The following NUDT7 variants were observed in gnomAD, a reference collection of about 807,000 sequenced individuals.
NUDT7 encodes peroxisomal coenzyme A diphosphatase NUDT7.
NUDT7 carries 19 observed loss-of-function variants against 13.1 expected under a neutral mutation model. The ratio of observed to expected loss-of-function variants is 1.45; its 90% confidence interval spans 1.01 to 2.13. NUDT7 has a LOEUF of 2.13. NUDT7 is among the 30% of genes most tolerant of loss of function. NUDT7 has a pLI of 0.00. For synonymous variants in NUDT7, 132 were observed against 109.7 expected, an observed-to-expected ratio of 1.20 and a Z score of -1.27; for missense variants, 360 against 291.7, an observed-to-expected ratio of 1.23 and a Z score of -1.71.
At chr16:77,723,419 C>G (rs2014027141) in intron 1 of NUDT7, among the ~76,000 whole-genome samples, 1 of 152,028 alleles carries the variant, frequency 6.6e-6, no homozygotes, top group Admixed American at 6.6e-5. Flanking sequence ...TAGCAAATAC[C>G]TCCTGCAAAC....
At chr16:77,740,571 CCTCT>C (rs1213173703) in intron 3 of NUDT7, among the ~76,000 whole-genome samples, 1 of 151,974 alleles carries the variant, frequency 6.6e-6, no homozygotes, top group Admixed American at 6.6e-5. Context: ...TGAGACTGGG[CCTCT>C]CTCTGTCACC....
chr16:77,729,471 C>T (rs1055677093), intron 2 of NUDT7, among the ~76,000 whole-genome samples: 2 of 151,928 alleles, frequency 1.3e-5, no homozygotes, highest in Non-Finnish European at 2.9e-5. Flanking sequence ...TAACATATCA[C>T]CATATACATC....
chr16:77,726,296 CA>C (rs1168752737), intron 2 of NUDT7, among the ~76,000 whole-genome samples: 1 of 152,178 alleles, frequency 6.6e-6, no homozygotes, highest in East Asian at 1.9e-4. Context: ...GAACATTTCA[CA>C]GGGTAACAAA....
At chr16:77,741,408 G>C (rs535752797) in intron 3 of NUDT7, 174 bp from the exon 4 acceptor site, 9 of 600,844 alleles carry the variant, frequency 1.5e-5, no homozygotes, top group Admixed American at 3.4e-5. Flanking sequence ...ACCTCAGGTA[G>C]AGCAGGATGA....
intron 3 of NUDT7, among the ~76,000 whole-genome samples, chr16:77,737,676 G>A (rs930700387): frequency 1.3e-5 from 2 of 152,042 alleles, no homozygotes; most frequent in African/African-American, 2.4e-5. Flanking sequence ...TAGTAGAGAC[G>A]GGGTTTCACC....
At chr16:77,734,684 G>A (rs2014424028) in intron 2 of NUDT7, among the ~76,000 whole-genome samples, 1 of 152,028 alleles carries the variant, frequency 6.6e-6, no homozygotes. Context: ...AACAAACTGT[G>A]ATCTATACAC....
intron 3 of NUDT7, among the ~76,000 whole-genome samples, chr16:77,738,066 G>A (rs1597118995): frequency 6.6e-6 from 1 of 152,274 alleles, no homozygotes; most frequent in Non-Finnish European, 1.5e-5. Context: ...GTATGAAAGC[G>A]AGATGGAGAC....
In NUDT7 at chr16:77,741,918, A is replaced by G. The variant is rs1361078829; in HGVS notation, c.685A>G (p.Lys229Glu). ...VLASSEELFL[K>E]VHKKATSRL ...AGCATCCTCTGAAGAGTTATTCCTG[A>G]AGGTTCATAAAAAAGCTACAAGCAG... The change falls in exon 4 of 4, where the codon AAG becomes GAG. Residue 229 changes from lysine to glutamate, a missense_variant. Lys to Glu is a moderately conservative substitution (Grantham distance 56). Transcript: ENST00000268533. 39 of 1,605,538 alleles carry G rather than the reference A, an allele frequency of 2.4e-5. No individual in the cohort carries two copies. The highest frequency in any genetic ancestry group is 3.3e-5 in the Non-Finnish European group (39 of 1,176,446).
rs538485687 is a variant in NUDT7, at chr16:77,729,975, A to C, written c.189+4391A>C. On this transcript the variant is annotated intron_variant, in intron 2 of 3. Transcript: ENST00000268533. ...AACTCACATAGTAACATATTACCACACACATTACCTCACATAGTAACATAT... is the reference window on the plus strand; with the variant it reads ...AACTCACATAGTAACATATTACCACCCACATTACCTCACATAGTAACATAT... 7.6e-5 allele frequency among the ~76,000 whole-genome samples: 9 copies of C among 119,182 alleles called. No homozygotes were observed. The East Asian group carries it at 2.4e-3, about 32-fold the overall frequency. 78.2% of individuals were successfully genotyped at this position (119,182 alleles called of 152,430 possible).
chr16:77,741,921 G>A lies in NUDT7; in HGVS notation c.688G>A (p.Val230Ile). ...ATCCTCTGAAGAGTTATTCCTGAAG[G>A]TTCATAAAAAAGCTACAAGCAGGTT... ...LASSEELFLK[V>I]HKKATSRL The change falls in exon 4 of 4, where the codon GTT (valine) becomes ATT (isoleucine). Residue 230 changes from valine (V) to isoleucine (I), a missense_variant. Coordinates refer to ENST00000268533, the MANE Select transcript of NUDT7 (RefSeq NM_001105663.3). The A allele has an allele frequency of 3.7e-6, 6 of 1,605,062 alleles. No homozygotes were observed. Among genetic ancestry groups the A allele is most frequent in the Non-Finnish European group, 5.1e-6 (6 of 1,176,166 alleles).
intron 2 of NUDT7, among the ~76,000 whole-genome samples, chr16:77,734,539 T>C (rs8043966): frequency 0.1 from 15,399 of 152,028 alleles, 869 homozygotes; most frequent in African/African-American, 0.16. Context: ...AGGAGAATGG[T>C]GTGAACCCAG....
At chr16:77,734,957 C>CT (rs1235940977) in intron 2 of NUDT7, among the ~76,000 whole-genome samples, 3 of 152,012 alleles carry the variant, frequency 2.0e-5, no homozygotes, top group African/African-American at 7.2e-5. Flanking sequence ...AACGTCTCTG[C>CT]TTTTTTTCAC....
At chr16:77,733,440 C>T (rs573470096) in intron 2 of NUDT7, among the ~76,000 whole-genome samples, 43 of 152,328 alleles carry the variant, frequency 2.8e-4, no homozygotes, top group African/African-American at 9.9e-4. Flanking sequence ...GAGGGCTCTG[C>T]CCCCATGACC....
Position 77,741,599 on chromosome 16 carries a change from T to TC in NUDT7, c.368dup (p.Phe124IlefsTer17). On this transcript the variant is annotated frameshift_variant, in exon 4 of 4. Coordinates refer to ENST00000268533, the MANE Select transcript of NUDT7 (RefSeq NM_001105663.3). LOFTEE classifies it low-confidence loss of function (END_TRUNC). ...GCTTTTAGACAGATACATTGATAAC[T>TC]CCATTTGTGGGTTTAATAGACCACA... 1.2e-6 allele frequency: 2 copies of TC among 1,609,064 alleles called. No individual in the cohort carries two copies. The highest frequency in any genetic ancestry group is 1.7e-6 in the Non-Finnish European group (2 of 1,178,604).
intron 3 of NUDT7, among the ~76,000 whole-genome samples, chr16:77,738,962 G>A (rs560878399): frequency 7.2e-5 from 11 of 152,328 alleles, no homozygotes; most frequent in East Asian, 1.9e-4. Flanking sequence ...GCTTCTTCGC[G>A]ATCAGATTGT....
At chr16:77,728,496 C>G (rs938254938) in intron 2 of NUDT7, among the ~76,000 whole-genome samples, 1 of 152,144 alleles carries the variant, frequency 6.6e-6, no homozygotes, top group African/African-American at 2.4e-5. Context: ...CTTGGCCTCC[C>G]AAAGTGCTGA....
At chr16:77,726,420 T>C (rs1461786238) in intron 2 of NUDT7, among the ~76,000 whole-genome samples, 3 of 152,178 alleles carry the variant, frequency 2.0e-5, no homozygotes, top group Admixed American at 2.0e-4. Context: ...TTAAGATAAA[T>C]GATGTCACTT....
At chr16:77,729,154 C>T (rs2014234599) in intron 2 of NUDT7, among the ~76,000 whole-genome samples, 1 of 152,160 alleles carries the variant, frequency 6.6e-6, no homozygotes, top group African/African-American at 2.4e-5. Context: ...GAGCCCTTTG[C>T]AGTGCTAATA....
Position 77,738,992 on chromosome 16 carries a change from C to T in NUDT7, c.349-2590C>T, listed in dbSNP as rs111356195. Among the ~76,000 whole-genome samples, 175 of 152,302 alleles carry T rather than the reference C, an allele frequency of 1.1e-3. 2 individuals are homozygous for T. Among genetic ancestry groups the T allele is most frequent in the African/African-American group, 4.0e-3 (166 of 41,568 alleles). On this transcript the variant is annotated intron_variant, in intron 3 of 3. Coordinates refer to ENST00000268533, the MANE Select transcript of NUDT7 (RefSeq NM_001105663.3). ...GATTGTTGTAAGGAATCAGAGGGTG[C>T]TGGGAACTAGACTAGGTGCCCGTAA...
Sources: gnomAD v4.1 joint callset for allele counts (sites outside exome capture counted in the v4.1 genomes callset) on GRCh38, gnomAD v4.1.1 for gene constraint, MANE v1.5 for transcripts, NCBI Gene and HGNC (gene_info 2026-07-23, HGNC 2026-07-21) for gene names.